TENM2: variants seen among roughly 807,000 people sequenced by gnomAD.
The protein encoded by TENM2 is teneurin-2.
In TENM2, 52 loss-of-function variants were observed where a neutral mutation model predicts 245.2. The ratio of observed to expected loss-of-function variants is 0.21; its 90% confidence interval spans 0.17 to 0.27. The LOEUF (loss-of-function observed/expected upper bound fraction) is 0.27, where lower values mean the gene tolerates loss of function less well. Among genes scored for constraint, TENM2 ranks in the 10% least tolerant of loss-of-function variants. The probability of loss-of-function intolerance (pLI) is 1.00; values close to 1 mark genes in which losing one functional copy is unlikely to be tolerated. For missense variants in TENM2, 3,046 were observed against 3,666.8 expected, an observed-to-expected ratio of 0.83 and a Z score of 4.37; for synonymous variants, 1,363 against 1,438.9, an observed-to-expected ratio of 0.95 and a Z score of 1.19.
chr5:167,631,391 G>A (rs1474606177), intron 2 of TENM2, among the ~76,000 whole-genome samples: 1 of 152,106 alleles, frequency 6.6e-6, no homozygotes, highest in African/African-American at 2.4e-5. Flanking sequence ...GAGTGTTCTC[G>A]GCAGAGAAAA....
intron 2 of TENM2, among the ~76,000 whole-genome samples, chr5:167,739,279 A>C (rs1420846563): frequency 6.6e-6 from 1 of 152,184 alleles, no homozygotes; most frequent in African/African-American, 2.4e-5. Context: ...AATAAAGGGA[A>C]TCGGGCTCAT....
At position 168,160,144 on chromosome 5, in the gene TENM2, G is replaced by A. The variant is rs538393232; in HGVS notation, c.2423-2467G>A. Among the ~76,000 whole-genome samples the A allele has an allele frequency of 5.9e-5, 9 of 152,208 alleles. No homozygotes were observed. The South Asian group carries it at 1.9e-3, about 32-fold the overall frequency. On this transcript the variant is annotated intron_variant, in intron 12 of 28. Coordinates refer to ENST00000518659, the Ensembl canonical transcript of TENM2. ...TGATCCATTCCCCAAAACTCTACCA[G>A]TAGAAATTGTTAAAGCTGAAGGTAG...
At chr5:167,793,842 A>G (rs13358649) in intron 2 of TENM2, among the ~76,000 whole-genome samples, 16,589 of 151,040 alleles carry the variant, frequency 0.11, 952 homozygotes, top group South Asian at 0.14. Flanking sequence ...AAAAAAAAAG[A>G]AAAAAAAAGA....
intron 2 of TENM2, among the ~76,000 whole-genome samples, chr5:167,782,250 T>G (rs1264876448): frequency 7.3e-6 from 1 of 137,732 alleles, no homozygotes; most frequent in Non-Finnish European, 1.5e-5. Flanking sequence ...GAGGTAGAGG[T>G]TGCGGTGAGC....
At chr5:167,256,691 A>G in the TENM2 span, among the ~76,000 whole-genome samples, 1 of 152,128 alleles carries the variant, frequency 6.6e-6, no homozygotes, top group Non-Finnish European at 1.5e-5. Flanking sequence ...CTGTTAATCT[A>G]TCAGAATATA....
intron 3 of TENM2, among the ~76,000 whole-genome samples, chr5:167,900,673 C>T (rs1041904845): frequency 7.2e-5 from 11 of 152,258 alleles, no homozygotes; most frequent in Admixed American, 2.6e-4. Flanking sequence ...TGTTTTCAAA[C>T]GGCTAATTTT....
At chr5:167,823,565 G>A (rs1197641241) in intron 2 of TENM2, among the ~76,000 whole-genome samples, 3 of 152,150 alleles carry the variant, frequency 2.0e-5, no homozygotes, top group Non-Finnish European at 2.9e-5. Context: ...TGTGATGACA[G>A]GAGTGCGAAT....
the TENM2 span, among the ~76,000 whole-genome samples, chr5:167,000,891 C>G: frequency 6.6e-6 from 1 of 152,106 alleles, no homozygotes; most frequent in African/African-American, 2.4e-5. Context: ...GCCAGTGGAC[C>G]TTCTTGAGGA....
chr5:167,311,658 A>G (rs1211098116), intron 1 of TENM2, among the ~76,000 whole-genome samples: 1 of 152,128 alleles, frequency 6.6e-6, no homozygotes, highest in African/African-American at 2.4e-5. Context: ...TGTGTATGTC[A>G]CTCATTTCTT....
At chr5:167,423,977 A>C (rs774259873) in intron 2 of TENM2, among the ~76,000 whole-genome samples, 4 of 152,168 alleles carry the variant, frequency 2.6e-5, no homozygotes, top group Non-Finnish European at 4.4e-5. Context: ...GTAGTGCCTC[A>C]GATTATCTCT....
chr5:167,023,097 C>A, the TENM2 span, among the ~76,000 whole-genome samples: 1 of 152,130 alleles, frequency 6.6e-6, no homozygotes, highest in Admixed American at 6.6e-5. Context: ...CCCTCCATCC[C>A]CCTTCTGAGA....
rs566073196 is a variant in TENM2 at position 167,797,391 on chromosome 5, G to C, written c.503-78595G>C. Among the ~76,000 whole-genome samples, 26 of 152,194 alleles carry C rather than the reference G, an allele frequency of 1.7e-4. 1 individual carries two copies. The highest frequency in any genetic ancestry group is 6.3e-4 in the African/African-American group (26 of 41,548). ...GCGGAAATATTTGTCCCCTTTAACT[G>C]AACAGCTCTTAGAAGCAATTAGCAT... On this transcript the variant is annotated intron_variant, in intron 2 of 28. Coordinates refer to ENST00000518659, the Ensembl canonical transcript of TENM2.
At chr5:167,687,181 G>T (rs1757131869) in intron 2 of TENM2, among the ~76,000 whole-genome samples, 1 of 152,138 alleles carries the variant, frequency 6.6e-6, no homozygotes, top group Non-Finnish European at 1.5e-5. Flanking sequence ...AGGGCACCAA[G>T]AAATGGTTTA....
chr5:168,201,146 C>T (rs1443353157), intron 17 of TENM2, among the ~76,000 whole-genome samples: 1 of 152,072 alleles, frequency 6.6e-6, no homozygotes, highest in Non-Finnish European at 1.5e-5. Context: ...TAACAGGTCA[C>T]ACCTGCTCAG....
At chr5:167,151,786 G>C in the TENM2 span, among the ~76,000 whole-genome samples, 1 of 152,170 alleles carries the variant, frequency 6.6e-6, no homozygotes, top group Non-Finnish European at 1.5e-5. Context: ...CAAAATGGTG[G>C]AACTATAGGC....
the TENM2 span, among the ~76,000 whole-genome samples, chr5:167,119,795 A>G: frequency 2.0e-5 from 3 of 152,346 alleles, no homozygotes; most frequent in African/African-American, 7.2e-5. Flanking sequence ...CTGGTCGTGG[A>G]GGAGGCAGAG....
chr5:167,714,155 A>T (rs1394032936), intron 2 of TENM2, among the ~76,000 whole-genome samples: 1 of 152,164 alleles, frequency 6.6e-6, no homozygotes, highest in East Asian at 1.9e-4. Flanking sequence ...TATAGCCAGG[A>T]GTGTGATCAC....
chr5:167,172,970 G>C, the TENM2 span, among the ~76,000 whole-genome samples: 7 of 152,082 alleles, frequency 4.6e-5, no homozygotes, highest in Admixed American at 4.6e-4. Context: ...CTAAAGCAGG[G>C]TCTGAAGGTA....
At chr5:167,383,418 A>G (rs926480406) in intron 2 of TENM2, among the ~76,000 whole-genome samples, 35 of 152,118 alleles carry the variant, frequency 2.3e-4, no homozygotes, top group African/African-American at 8.4e-4. Context: ...GTCAGAATCC[A>G]CAGAAAAACA....
Sources: allele counts gnomAD v4.1 joint callset (sites outside exome capture counted in the v4.1 genomes callset), GRCh38; gene constraint gnomAD v4.1.1; transcripts MANE v1.5; gene names NCBI Gene and HGNC (gene_info 2026-07-23, HGNC 2026-07-21).